SLC6A18: variants seen among roughly 807,000 people sequenced by gnomAD.
The protein encoded by SLC6A18 is solute carrier family 6 member 18.
A neutral mutation model predicts 62.9 loss-of-function variants in SLC6A18; 58 were observed. That is an observed-to-expected ratio of 0.92 (90% CI 0.75 to 1.15). SLC6A18 has a LOEUF of 1.15. SLC6A18 is among the 50% of genes most tolerant of loss of function. The pLI is 0.00. For missense variants in SLC6A18, 793 were observed against 836.6 expected, an observed-to-expected ratio of 0.95 and a Z score of 0.64; for synonymous variants, 382 against 365.8, an observed-to-expected ratio of 1.04 and a Z score of -0.51.
chr5:1,228,240 C>T (rs1746634041), intron 1 of SLC6A18, among the ~76,000 whole-genome samples: 1 of 152,214 alleles, frequency 6.6e-6, no homozygotes, highest in Non-Finnish European at 1.5e-5. Context: ...GCTTTCTACA[C>T]TGCCCGGGGG....
Position 1,232,735 on chromosome 5 carries a change from TG to T in SLC6A18, c.302-14del. The T allele has an allele frequency of 3.1e-6, 5 of 1,599,936 alleles. No individual in the cohort carries two copies. The highest frequency in any genetic ancestry group is 4.3e-6 in the Non-Finnish European group (5 of 1,172,336). On this transcript the variant is annotated splice_polypyrimidine_tract_variant and intron_variant, in intron 2 of 11. Transcript: ENST00000324642. ...GAAGGAGCCCCGGGGCCACCTGACA[TG>T]GTCCCTGTCCACAGGGCTGGGCTGT...
At chr5:1,233,815 C>T (rs548159541) in intron 3 of SLC6A18, among the ~76,000 whole-genome samples, 2 of 151,016 alleles carry the variant, frequency 1.3e-5, no homozygotes, top group East Asian at 3.9e-4. Context: ...TATCTTGGCT[C>T]ACTGCAAGCT....
At position 1,243,453 on chromosome 5, in the gene SLC6A18, C is replaced by CGTGTCCTCGGCCTGGGAGAGTGT. The variant is rs1291817336; in HGVS notation, c.1132-94_1132-72dup. 3.7e-6 allele frequency: 5 copies of CGTGTCCTCGGCCTGGGAGAGTGT among 1,343,138 alleles called. No homozygotes were observed. In the African/African-American group the frequency reaches 7.1e-5, roughly 19 times the overall value. The allele number at this position is 1,343,138 out of a possible 1,614,324, so 83.2% of individuals were successfully genotyped here. On this transcript the variant is annotated intron_variant, in intron 8 of 11. Coordinates refer to ENST00000324642, the MANE Select transcript of SLC6A18 (RefSeq NM_182632.3). The surrounding 1 kb of genome is among the most constrained non-coding windows in gnomAD (Gnocchi z 6.5). ...GACACCAGGAGGGGTGATGTGCACT[C>CGTGTCCTCGGCCTGGGAGAGTGT]GTGTCCTCGGCCTGGGAGAGTGTGT...
intron 2 of SLC6A18, 75 bp downstream of exon 2, chr5:1,232,434 G>C: frequency 1.3e-6 from 2 of 1,537,702 alleles, no homozygotes; most frequent in African/African-American, 2.7e-5. Flanking sequence ...GTGGGGCGGG[G>C]GCGGGTCCAT....
rs1263715616 is a variant in SLC6A18 at position 1,243,373 on chromosome 5, G to A, written c.1132-182G>A. On this transcript the variant is annotated intron_variant, in intron 8 of 11. Coordinates refer to ENST00000324642, the MANE Select transcript of SLC6A18 (RefSeq NM_182632.3). The surrounding 1 kb of genome is among the most constrained non-coding windows in gnomAD (Gnocchi z 6.5). Reference sequence around the variant, plus strand: ...GGGAAGGACCCTCCCCTGCAGAGTTGCGCTTGCAGCCTCGTCTCCCAGAAG... The same window carrying A: ...GGGAAGGACCCTCCCCTGCAGAGTTACGCTTGCAGCCTCGTCTCCCAGAAG... 6.6e-6 allele frequency among the ~76,000 whole-genome samples: 1 copy of A among 152,178 alleles called. No homozygotes were observed. The highest frequency in any genetic ancestry group is 2.4e-5 in the African/African-American group (1 of 41,446).
chr5:1,234,240 C>T (rs768318664), intron 3 of SLC6A18, among the ~76,000 whole-genome samples: 5 of 152,228 alleles, frequency 3.3e-5, no homozygotes, highest in Non-Finnish European at 7.3e-5. Flanking sequence ...TCTTTCCTTC[C>T]TGCCTTTTGC....
rs376108189 is a variant in SLC6A18, at chr5:1,225,485, A to G, written c.8A>G (p.His3Arg). The G allele has an allele frequency of 1.5e-4, 238 of 1,611,896 alleles. No individual in the cohort carries two copies. The highest frequency in any genetic ancestry group is 1.9e-4 in the Non-Finnish European group (219 of 1,179,302). The change falls in exon 1 of 12, where the codon CAT becomes CGT. Residue 3 changes from histidine (H) to arginine (R), a missense_variant. Physicochemically the swap from His to Arg is conservative, Grantham distance 29 (BLOSUM62 0). Transcript: ENST00000324642. MA[H>R]APEPDPAACD... ...CTGGGGCACTCAGTCACCATGGCTC[A>G]TGCCCCAGAACCGGACCCGGCCGCC...
chr5:1,239,019 C>A (rs1450090383), intron 5 of SLC6A18, among the ~76,000 whole-genome samples: 1 of 152,166 alleles, frequency 6.6e-6, no homozygotes, highest in African/African-American at 2.4e-5. Flanking sequence ...GGAGTCCTAG[C>A]AAAAGACAGA....
In SLC6A18 at chr5:1,237,523, C is replaced by T. The variant is rs559011883; in HGVS notation, c.622-427C>T. 9.9e-5 allele frequency among the ~76,000 whole-genome samples: 15 copies of T among 152,074 alleles called. No homozygotes were observed. In the South Asian group the frequency reaches 2.1e-3, roughly 21 times the overall value. ...ACTCGAGAGTGGACAGGAGGGAGGC[C>T]GGAGAGGGGACCAAAGCAGGGAAAG... On this transcript the variant is annotated intron_variant, in intron 4 of 11. Transcript: ENST00000324642.
chr5:1,244,063 A>G lies in SLC6A18; in HGVS notation c.1337-151A>G. ...AAGAGACTGGGGAGGGCAGGGATGG[A>G]GGGTGGGAAGCCGAGAGAAGTCTCC... On this transcript the variant is annotated intron_variant, in intron 9 of 11. Transcript: ENST00000324642. 4 of 665,318 alleles carry G rather than the reference A, an allele frequency of 6.0e-6. No individual in the cohort carries two copies. In the South Asian group the frequency reaches 7.6e-5, roughly 13 times the overall value. The allele number at this position is 665,318 out of a possible 1,614,324, so 41.2% of individuals were successfully genotyped here. A position where few individuals can be genotyped will look rare whatever the true frequency, so the allele number is the denominator to read the frequency against.
At position 1,240,718 on chromosome 5, in the gene SLC6A18, G is replaced by A. The variant is rs995162824; in HGVS notation, c.974+59G>A. ...CACAGCCGCCAGACAGGTGCCTGCC[G>A]CACCGAGAATCCCAAGGCATGAGGA... On this transcript the variant is annotated intron_variant, in intron 7 of 11. Transcript: ENST00000324642. 2.2e-5 allele frequency: 36 copies of A among 1,600,244 alleles called. No individual in the cohort carries two copies. The Admixed American group carries it at 2.7e-4, about 12-fold the overall frequency.
intron 3 of SLC6A18, among the ~76,000 whole-genome samples, chr5:1,234,448 A>C (rs1487494660): frequency 1.3e-5 from 2 of 152,208 alleles, no homozygotes; most frequent in Non-Finnish European, 2.9e-5. Context: ...AAGCGGCCCC[A>C]GTACAGGCTA....
intron 1 of SLC6A18, among the ~76,000 whole-genome samples, chr5:1,226,593 A>G (rs1746573240): frequency 6.6e-6 from 1 of 152,224 alleles, no homozygotes; most frequent in Non-Finnish European, 1.5e-5. Flanking sequence ...CAGAAAATGC[A>G]GGAAATGCGC....
chr5:1,230,972 A>G (rs891979325), intron 1 of SLC6A18, among the ~76,000 whole-genome samples: 15 of 152,198 alleles, frequency 9.9e-5, no homozygotes, highest in Non-Finnish European at 2.9e-5. Context: ...ACTGAGACGC[A>G]GCATGCAGAC....
At chr5:1,235,735 T>A (rs1746868416) in intron 4 of SLC6A18, 73 bp downstream of exon 4, 2 of 1,506,662 alleles carry the variant, frequency 1.3e-6, no homozygotes, top group East Asian at 4.5e-5. Flanking sequence ...TTGACCTGTG[T>A]TCGCTTTGTG....
In SLC6A18 at chr5:1,226,809, C is replaced by G. The variant is rs115192875; in HGVS notation, c.160+1172C>G. On this transcript the variant is annotated intron_variant, in intron 1 of 11. Transcript: ENST00000324642. ...GGCCCTCGCTGCCTGTGCTGCGGCT[C>G]GATCTGCTAAGAGTCACCAGAGCAT... Among the ~76,000 whole-genome samples, 510 of 152,272 alleles carry G rather than the reference C, an allele frequency of 3.3e-3. 3 individuals carry two copies. The highest frequency in any genetic ancestry group is 0.011 in the African/African-American group (467 of 41,546).
At chr5:1,244,128 G>GT in intron 9 of SLC6A18, 86 bp from the exon 10 acceptor site, 1 of 1,221,164 alleles carries the variant, frequency 8.2e-7, no homozygotes, top group Non-Finnish European at 1.2e-6. Context: ...CCGAGGGCAG[G>GT]TCTGCCTGGC....
At chr5:1,242,179 AG>A in intron 7 of SLC6A18, among the ~76,000 whole-genome samples, 1 of 152,304 alleles carries the variant, frequency 6.6e-6, no homozygotes, top group South Asian at 2.1e-4. Context: ...CTTCGAAGTG[AG>A]GAAGCTGCCA....
chr5:1,226,453 C>T (rs1188451061), intron 1 of SLC6A18, among the ~76,000 whole-genome samples: 1 of 152,314 alleles, frequency 6.6e-6, no homozygotes, highest in Non-Finnish European at 1.5e-5. Context: ...CAGGCCAGGC[C>T]GGGCTGCTTG....
Sources: gnomAD v4.1 joint callset for allele counts (sites outside exome capture counted in the v4.1 genomes callset) on GRCh38, gnomAD v4.1.1 for gene constraint, Gnocchi (gnomAD v3.1) non-coding constraint, MANE v1.5 for transcripts, NCBI Gene and HGNC (gene_info 2026-07-23, HGNC 2026-07-21) for gene names.